Variants in PSG3 observed in about 807,000 individuals in gnomAD.
PSG3 encodes the protein pregnancy-specific beta-1-glycoprotein 3.
PSG3 carries 61 observed loss-of-function variants against 47.5 expected under a neutral mutation model. The observed-to-expected ratio is 1.28, with a 90% confidence interval of 1.05 to 1.59. The LOEUF (loss-of-function observed/expected upper bound fraction) is 1.59. Ranked by LOEUF, PSG3 falls within the 40% of genes most tolerant of loss-of-function variation. PSG3 has a pLI of 0.00. For synonymous variants in PSG3, 263 were observed against 198.4 expected, an observed-to-expected ratio of 1.33 and a Z score of -2.74; for missense variants, 756 against 524.0, an observed-to-expected ratio of 1.44 and a Z score of -4.32.
chr19:42,732,401 A>G, intron 3 of PSG3: 1 of 355,200 alleles, frequency 2.8e-6, no homozygotes, highest in East Asian at 5.7e-5. Flanking sequence ...AAAGAGAATA[A>G]TGTCATAGGT....
chr19:42,735,318 C>T (rs1410133004), intron 2 of PSG3, among the ~76,000 whole-genome samples: 1 of 152,140 alleles, frequency 6.6e-6, no homozygotes, highest in Admixed American at 6.5e-5. Context: ...CTTTCCTCAG[C>T]TATGTTCAGT....
chr19:42,728,972 G>A, intron 5 of PSG3, 151 bp downstream of exon 5: 1 of 1,553,664 alleles, frequency 6.4e-7, no homozygotes, highest in South Asian at 1.3e-5. Context: ...AGTCTGTAGA[G>A]ACAAATTGGG....
At chr19:42,728,605 G>T (rs1247244001) in intron 5 of PSG3, among the ~76,000 whole-genome samples, 2 of 152,206 alleles carry the variant, frequency 1.3e-5, no homozygotes, top group Admixed American at 6.5e-5. Flanking sequence ...CCACCCAGGT[G>T]GAGTCAGGCA....
At chr19:42,723,390 C>T (rs1446290353) in intron 6 of PSG3, among the ~76,000 whole-genome samples, 4 of 152,048 alleles carry the variant, frequency 2.6e-5, no homozygotes. Flanking sequence ...GAAGACAGTT[C>T]TAATTAGGAT....
At position 42,738,753 on chromosome 19, in the gene PSG3, TCTC is replaced by T. The variant is rs1568756018; in HGVS notation, c.398_400del (p.Gly133del). The T allele has an allele frequency of 3.1e-6, 5 of 1,613,806 alleles. No individual in the cohort carries two copies. The highest frequency in any genetic ancestry group is 3.3e-5 in the Admixed American group (2 of 59,990). On this transcript the variant is annotated inframe_deletion, in exon 2 of 7. Coordinates refer to ENST00000327495, the MANE Select transcript of PSG3 (RefSeq NM_021016.4). ...TAAGGTGAAGGTGAAATGTCCAGTTTCTCCTCTAGTCCCATCACCTCGCTTTAC... is the reference window on the plus strand; with the variant it reads ...TAAGGTGAAGGTGAAATGTCCAGTTTCTCTAGTCCCATCACCTCGCTTTAC...
chr19:42,730,148 C>T (rs1238677271), intron 3 of PSG3, 92 bp from the exon 4 acceptor site: 8 of 1,566,676 alleles, frequency 5.1e-6, no homozygotes, highest in Middle Eastern at 4.6e-4. Flanking sequence ...TCCCACCTCT[C>T]AGCCCACCCG....
At chr19:42,733,907 G>A (rs1295038055) in intron 2 of PSG3, 1 of 152,204 alleles carries the variant, frequency 6.6e-6, no homozygotes, top group East Asian at 1.9e-4. Context: ...GGGCGAACAT[G>A]AACAGATGAT....
At chr19:42,726,913 G>A (rs1390978905) in intron 5 of PSG3, among the ~76,000 whole-genome samples, 2 of 152,202 alleles carry the variant, frequency 1.3e-5, no homozygotes, top group African/African-American at 4.8e-5. Flanking sequence ...TCAATACACT[G>A]TGGTACTGGC....
intron 1 of PSG3, 106 bp downstream of exon 1, chr19:42,740,215 G>C (rs529560156): frequency 7.5e-6 from 12 of 1,603,744 alleles, no homozygotes; most frequent in South Asian, 1.1e-5. Context: ...GCCTCCCTAA[G>C]TGCTGGCTTC....
chr19:42,738,340 G>T (rs557263640), intron 2 of PSG3, among the ~76,000 whole-genome samples: 43 of 152,320 alleles, frequency 2.8e-4, no homozygotes, highest in Admixed American at 2.2e-3. Flanking sequence ...GGTTCTGGGG[G>T]TGAGGCTTCT....
intron 6 of PSG3, among the ~76,000 whole-genome samples, chr19:42,723,494 C>G (rs191614888): frequency 6.6e-6 from 1 of 152,226 alleles, no homozygotes; most frequent in African/African-American, 2.4e-5. Flanking sequence ...GAGTAGACCC[C>G]TGGAGATTCT....
At chr19:42,731,205 C>A in intron 3 of PSG3, among the ~76,000 whole-genome samples, 1 of 152,176 alleles carries the variant, frequency 6.6e-6, no homozygotes, top group Non-Finnish European at 1.5e-5. Context: ...ATAGTTCACA[C>A]AGATTGAGTA....
intron 2 of PSG3, among the ~76,000 whole-genome samples, chr19:42,735,045 G>T (rs1306917429): frequency 6.6e-6 from 1 of 152,208 alleles, no homozygotes; most frequent in Non-Finnish European, 1.5e-5. Context: ...GGAAACAGTT[G>T]TATGTGGCAC....
At chr19:42,738,103 C>T (rs1436742745) in intron 2 of PSG3, among the ~76,000 whole-genome samples, 3 of 152,214 alleles carry the variant, frequency 2.0e-5, no homozygotes, top group Non-Finnish European at 4.4e-5. Flanking sequence ...TGATGGCCTA[C>T]AAAGCTTGTC....
intron 6 of PSG3, among the ~76,000 whole-genome samples, chr19:42,723,472 T>C (rs1969328044): frequency 6.6e-6 from 1 of 152,176 alleles, no homozygotes; most frequent in South Asian, 2.1e-4. Context: ...TGTGAACTTA[T>C]CAAAGTGGCT....
In PSG3 at chr19:42,733,152, C is replaced by T. The variant is rs1232994840; in HGVS notation, c.431-90G>A. On this transcript the variant is annotated intron_variant, in intron 2 of 6. Coordinates refer to ENST00000327495, the MANE Select transcript of PSG3 (RefSeq NM_021016.4). ...CAATCAGAGTTGGCATTTCCCACCT[C>T]TCAGCCCACCCAAGTCCTTAAAAGC... 1.6e-5 allele frequency: 24 copies of T among 1,541,610 alleles called. 2 individuals carry two copies. Among genetic ancestry groups the T allele is most frequent in the Middle Eastern group, 4.3e-4 (2 of 4,636 alleles).
rs1969342985 is a variant in PSG3, at chr19:42,724,412, T to C, written c.1244-387A>G. ...CCTGCCAGGTCTCCATGGCAGAGAC[T>C]TGATTGACAGAAGGCCCAGGTCAGT... On this transcript the variant is annotated intron_variant, in intron 5 of 6. Transcript: ENST00000327495. Among the ~76,000 whole-genome samples the C allele has an allele frequency of 3.3e-5, 5 of 152,206 alleles. No individual in the cohort carries two copies. In the South Asian group the frequency reaches 1.0e-3, roughly 31 times the overall value.
chr19:42,735,149 G>T (rs541313947), intron 2 of PSG3, among the ~76,000 whole-genome samples: 1 of 152,324 alleles, frequency 6.6e-6, no homozygotes, highest in East Asian at 1.9e-4. Flanking sequence ...TATAGCCTTT[G>T]TAGTTGTCCC....
Position 42,731,772 on chromosome 19 carries a change from A to G in PSG3, c.709+1012T>C, listed in dbSNP as rs1377710951. Reference sequence around the variant, plus strand: ...ATCCATGAAAATGAAATGTGTTTCCATATATTGATATCGTCTTTAACTTGT... The same window carrying G: ...ATCCATGAAAATGAAATGTGTTTCCGTATATTGATATCGTCTTTAACTTGT... On this transcript the variant is annotated intron_variant, in intron 3 of 6. Coordinates refer to ENST00000327495, the MANE Select transcript of PSG3 (RefSeq NM_021016.4). 5.3e-5 allele frequency: 8 copies of G among 151,830 alleles called. No homozygotes were observed. In the East Asian group the frequency reaches 1.3e-3, roughly 26 times the overall value. 9.4% of individuals were successfully genotyped at this position (151,830 alleles called of 1,614,324 possible).
Sources: gnomAD v4.1 joint callset for allele counts (sites outside exome capture counted in the v4.1 genomes callset) on GRCh38, gnomAD v4.1.1 for gene constraint, MANE v1.5 for transcripts, NCBI Gene and HGNC (gene_info 2026-07-23, HGNC 2026-07-21) for gene names.